RDX: variants seen among roughly 807,000 people sequenced by gnomAD.
The protein encoded by RDX is radixin.
A neutral mutation model predicts 83.7 loss-of-function variants in RDX; 32 were observed. That is an observed-to-expected ratio of 0.38 (90% CI 0.29 to 0.51). The LOEUF (loss-of-function observed/expected upper bound fraction) is 0.51, where lower values mean the gene tolerates loss of function less well. RDX is among the 20% of genes least tolerant of loss of function. The probability of loss-of-function intolerance (pLI) is 0.87; values close to 1 mark genes in which losing one functional copy is unlikely to be tolerated. For synonymous variants in RDX, 229 were observed against 222.7 expected, an observed-to-expected ratio of 1.03 and a Z score of -0.25; for missense variants, 600 against 689.9, an observed-to-expected ratio of 0.87 and a Z score of 1.46.
downstream of RDX, among the ~76,000 whole-genome samples, chr11:110,225,307 A>T (rs777603848): frequency 1.3e-5 from 2 of 152,218 alleles, no homozygotes; most frequent in Non-Finnish European, 2.9e-5. Context: ...CAAAAAGGCA[A>T]TTCACAATGG....
At chr11:110,267,652 C>A (rs1316127091) in intron 3 of RDX, among the ~76,000 whole-genome samples, 2 of 151,696 alleles carry the variant, frequency 1.3e-5, no homozygotes, top group Non-Finnish European at 2.9e-5. Context: ...AAAATTTTCA[C>A]TGAAATGACA....
At chr11:110,266,287 C>T (rs369379481) in intron 3 of RDX, among the ~76,000 whole-genome samples, 15 of 151,552 alleles carry the variant, frequency 9.9e-5, no homozygotes, top group African/African-American at 2.9e-4. Flanking sequence ...GAGCCGAGAT[C>T]GTGCCACTGC....
intron 15 of RDX, among the ~76,000 whole-genome samples, chr11:110,191,720 G>T (rs1360477030): frequency 1.3e-5 from 2 of 152,182 alleles, no homozygotes; most frequent in Non-Finnish European, 2.9e-5. Flanking sequence ...GCCAGGTGTG[G>T]TGCTGTGTGC....
At chr11:110,278,870 A>C (rs1345486060) in intron 2 of RDX, among the ~76,000 whole-genome samples, 1 of 152,010 alleles carries the variant, frequency 6.6e-6, no homozygotes, top group Non-Finnish European at 1.5e-5. Context: ...AAAAAAAAAA[A>C]CAACTCACTT....
At chr11:110,281,557 G>C (rs367897548) in intron 1 of RDX, among the ~76,000 whole-genome samples, 11 of 152,138 alleles carry the variant, frequency 7.2e-5, no homozygotes, top group African/African-American at 2.4e-4. Context: ...AAACTCCTGA[G>C]CTCAAGTGAT....
chr11:110,242,989 T>C (rs1331361348), intron 10 of RDX, among the ~76,000 whole-genome samples: 3 of 152,088 alleles, frequency 2.0e-5, no homozygotes, highest in African/African-American at 7.2e-5. Flanking sequence ...ACAGAGACCA[T>C]GTGGTCTGTA....
intron 5 of RDX, among the ~76,000 whole-genome samples, chr11:110,259,070 A>G (rs1859684697): frequency 6.6e-6 from 1 of 152,072 alleles, no homozygotes; most frequent in Non-Finnish European, 1.5e-5. Context: ...GGCGTGCGCC[A>G]TAATGCCTGG....
In RDX at chr11:110,253,946, C is replaced by CT; in HGVS notation, c.958dup (p.Arg320LysfsTer7). ...AAGTGAAAGGTCATAAACCCCATACCTTTCCAACTGCTTCTGATGTTTCTC... is the reference window on the plus strand; with the variant it reads ...AAGTGAAAGGTCATAAACCCCATACCTTTTCCAACTGCTTCTGATGTTTCTC... On this transcript the variant is annotated frameshift_variant and splice_region_variant, in exon 9 of 14. Coordinates refer to ENST00000645495, the MANE Select transcript of RDX (RefSeq NM_002906.4). LOFTEE classifies it high-confidence loss of function. 6.2e-7 allele frequency: 1 copy of CT among 1,613,316 alleles called. No individual in the cohort carries two copies. The highest frequency in any genetic ancestry group is 8.5e-7 in the Non-Finnish European group (1 of 1,179,636).
chr11:110,222,109 C>A (rs1023716102), intron 14 of RDX, among the ~76,000 whole-genome samples: 4 of 152,038 alleles, frequency 2.6e-5, no homozygotes, highest in African/African-American at 4.8e-5. Flanking sequence ...ACTATTAAAC[C>A]AAAAATATTT....
At chr11:110,280,920 T>C (rs577031923) in intron 1 of RDX, among the ~76,000 whole-genome samples, 6 of 152,254 alleles carry the variant, frequency 3.9e-5, no homozygotes, top group Non-Finnish European at 7.4e-5. Context: ...ATCCCAGCAC[T>C]TTGGGAGGCC....
chr11:110,247,920 C>T, intron 9 of RDX, 87 bp from the exon 10 acceptor site: 1 of 1,444,158 alleles, frequency 6.9e-7, no homozygotes, highest in Admixed American at 2.1e-5. Flanking sequence ...TAAAAAGTAA[C>T]AAAATAATGT....
Position 110,230,044 on chromosome 11 carries a change from A to G in RDX, c.*1825T>C, listed in dbSNP as rs1243991268. On this transcript the variant is annotated 3_prime_UTR_variant, in exon 14 of 14. Transcript: ENST00000645495. ...GTTAACCAGCTATGTTTTGTCCTAC[A>G]AAGTTCAAAAAATATATTAAACGCA... 1.3e-5 allele frequency: 2 copies of G among 152,584 alleles called. No homozygotes were observed. The highest frequency in any genetic ancestry group is 2.9e-5 in the Non-Finnish European group (2 of 67,986). The allele number at this position is 152,584 out of a possible 1,614,324, so 9.5% of individuals were successfully genotyped here. A position where few individuals can be genotyped will look rare whatever the true frequency, so the allele number is the denominator to read the frequency against.
intron 14 of RDX, among the ~76,000 whole-genome samples, chr11:110,216,141 G>C (rs1467172010): frequency 6.6e-6 from 1 of 152,144 alleles, no homozygotes; most frequent in Non-Finnish European, 1.5e-5. Context: ...GGAAGCTCCT[G>C]TGATCTGGCT....
At chr11:110,188,164 C>T (rs1167753895) in intron 15 of RDX, among the ~76,000 whole-genome samples, 3 of 152,014 alleles carry the variant, frequency 2.0e-5, no homozygotes, top group Admixed American at 6.5e-5. Flanking sequence ...CATGGTGGTG[C>T]GCCCTTGTGA....
intron 14 of RDX, among the ~76,000 whole-genome samples, chr11:110,217,141 G>A (rs1444339224): frequency 6.6e-6 from 1 of 152,178 alleles, no homozygotes; most frequent in African/African-American, 2.4e-5. Context: ...CCTTCAGGTA[G>A]CAACTTACAT....
At chr11:110,257,316 CTATA>C (rs778422605) in intron 7 of RDX, among the ~76,000 whole-genome samples, 18 of 151,762 alleles carry the variant, frequency 1.2e-4, no homozygotes, top group Non-Finnish European at 2.4e-4. Flanking sequence ...AAAACAATTC[CTATA>C]TATAAATGTT....
chr11:110,286,096 A>G (rs909882031), intron 1 of RDX, among the ~76,000 whole-genome samples: 2 of 152,144 alleles, frequency 1.3e-5, no homozygotes, highest in Non-Finnish European at 2.9e-5. Flanking sequence ...GTTTAAACTT[A>G]ATTAAACCAA....
At chr11:110,228,075 G>A (rs1325722718), downstream of RDX, among the ~76,000 whole-genome samples, 1 of 152,034 alleles carries the variant, frequency 6.6e-6, no homozygotes, top group African/African-American at 2.4e-5. Flanking sequence ...AGAGAAAATG[G>A]TAGTTCTTAT....
intron 9 of RDX, among the ~76,000 whole-genome samples, chr11:110,249,913 A>G (rs1859258228): frequency 1.3e-5 from 2 of 152,082 alleles, no homozygotes; most frequent in African/African-American, 4.8e-5. Flanking sequence ...GTGGTCATTC[A>G]TGTAAGGGAA....
Sources: gnomAD v4.1 joint callset for allele counts (sites outside exome capture counted in the v4.1 genomes callset) on GRCh38, gnomAD v4.1.1 for gene constraint, MANE v1.5 for transcripts, NCBI Gene and HGNC (gene_info 2026-07-23, HGNC 2026-07-21) for gene names.